The following NEBL variants were observed in gnomAD, a reference collection of about 807,000 sequenced individuals.
NEBL encodes the protein nebulette.
Under a neutral mutation model 140.2 loss-of-function variants are expected in NEBL, and 122 were observed. The ratio of observed to expected loss-of-function variants is 0.87; its 90% CI spans 0.75 to 1.01. The LOEUF is 1.01. Among genes scored for constraint, NEBL ranks in the 50% least tolerant of loss-of-function variants. NEBL has a pLI of 0.00. For synonymous variants in NEBL, 436 were observed against 398.9 expected (o/e 1.09, Z -1.11); for missense variants, 1,365 against 1,231.3 (o/e 1.11, Z -1.62).
intron 3 of NEBL, among the ~76,000 whole-genome samples, chr10:21,207,554 AC>A (rs1841847186): frequency 2.0e-5 from 3 of 151,736 alleles, no homozygotes; most frequent in Non-Finnish European, 4.4e-5. Flanking sequence ...TCTCCACCCT[AC>A]TTTGCCCTAG....
chr10:20,832,916 T>C (rs1286637270), intron 14 of NEBL, among the ~76,000 whole-genome samples: 4 of 152,230 alleles, frequency 2.6e-5, no homozygotes, highest in African/African-American at 9.6e-5. Flanking sequence ...TTACTATGTC[T>C]ACAAAAAGCA....
At chr10:21,069,496 A>T (rs1837537) in intron 2 of NEBL, among the ~76,000 whole-genome samples, 9 of 152,162 alleles carry the variant, frequency 5.9e-5, no homozygotes, top group Non-Finnish European at 1.3e-4. Flanking sequence ...TTGACACCAC[A>T]GCGCCCGCCA....
At chr10:20,852,497 T>C (rs1197108959) in intron 10 of NEBL, 48 bp downstream of exon 10, 1 of 1,328,734 alleles carries the variant, frequency 7.5e-7, no homozygotes, top group African/African-American at 1.5e-5. Flanking sequence ...TCAGGATGGT[T>C]ACGGGTTGCT....
chr10:20,983,495 C>T (rs960341584), intron 3 of NEBL, among the ~76,000 whole-genome samples: 2 of 152,214 alleles, frequency 1.3e-5, no homozygotes, highest in Non-Finnish European at 2.9e-5. Context: ...GGAAAAACCT[C>T]TCTTTCCGTA....
intron 10 of NEBL, among the ~76,000 whole-genome samples, chr10:20,852,155 T>A (rs1842606199): frequency 1.3e-5 from 2 of 152,272 alleles, no homozygotes; most frequent in East Asian, 1.9e-4. Flanking sequence ...ATAACACTTA[T>A]AATTGAAATA....
intron 3 of NEBL, among the ~76,000 whole-genome samples, chr10:20,984,955 G>T (rs1030639941): frequency 6.6e-6 from 1 of 152,144 alleles, no homozygotes; most frequent in African/African-American, 2.4e-5. Flanking sequence ...AATCTAGGTT[G>T]CTTGCCTCTT....
chr10:21,094,322 G>A (rs984099402), intron 2 of NEBL, among the ~76,000 whole-genome samples: 1 of 151,946 alleles, frequency 6.6e-6, no homozygotes, highest in African/African-American at 2.4e-5. Context: ...CTAATACGGT[G>A]AAACCCCGTC....
chr10:21,055,422 C>G (rs1170588726), intron 2 of NEBL, among the ~76,000 whole-genome samples: 1 of 152,162 alleles, frequency 6.6e-6, no homozygotes, highest in Admixed American at 6.5e-5. Flanking sequence ...AGCCACAGAT[C>G]TTTTAACTTT....
intron 3 of NEBL, among the ~76,000 whole-genome samples, chr10:21,221,476 C>G (rs1042484743): frequency 6.6e-6 from 1 of 151,766 alleles, no homozygotes; most frequent in African/African-American, 2.4e-5. Context: ...CCTACCTATT[C>G]TACAAGAAAA....
intron 9 of NEBL, among the ~76,000 whole-genome samples, chr10:20,854,210 G>A (rs372934691): frequency 5.1e-4 from 77 of 152,194 alleles, no homozygotes; most frequent in African/African-American, 1.6e-3. Flanking sequence ...AGACAATGGG[G>A]TACCAGTAAA....
intron 4 of NEBL, among the ~76,000 whole-genome samples, chr10:20,932,394 G>A (rs1834235967): frequency 6.6e-6 from 1 of 151,908 alleles, no homozygotes. Context: ...ACAAAGAGGG[G>A]AGCATCACAC....
At chr10:21,275,525 T>C (rs1432856321) in intron 1 of NEBL, among the ~76,000 whole-genome samples, 6 of 152,174 alleles carry the variant, frequency 3.9e-5, no homozygotes, top group African/African-American at 1.4e-4. Context: ...GTTTTTCGTG[T>C]CCTCACTCCT....
chr10:21,214,695 T>G (rs1841966937), intron 3 of NEBL, among the ~76,000 whole-genome samples: 2 of 152,188 alleles, frequency 1.3e-5, no homozygotes, highest in South Asian at 4.1e-4. Context: ...TTCAGGTGCT[T>G]CTTTTTTAAC....
At chr10:21,021,429 G>T (rs957659224) in intron 2 of NEBL, among the ~76,000 whole-genome samples, 1 of 152,144 alleles carries the variant, frequency 6.6e-6, no homozygotes, top group East Asian at 1.9e-4. Flanking sequence ...CCATGGCCAG[G>T]CCTCTGCAGA....
intron 11 of NEBL, among the ~76,000 whole-genome samples, 165 bp downstream of exon 11, chr10:20,850,230 C>T (rs1292437232): frequency 3.3e-5 from 5 of 152,168 alleles, no homozygotes; most frequent in Non-Finnish European, 7.3e-5. Flanking sequence ...AACTCAATGA[C>T]CTAGACAAGA....
intron 3 of NEBL, among the ~76,000 whole-genome samples, chr10:21,201,864 C>T (rs111630364): frequency 0.025 from 3,791 of 152,192 alleles, 70 homozygotes; most frequent in Non-Finnish European, 0.026. Context: ...CGTAATGTCA[C>T]GCACAATTTT....
At chr10:21,267,228 G>A (rs181789885) in intron 1 of NEBL, among the ~76,000 whole-genome samples, 13 of 152,136 alleles carry the variant, frequency 8.5e-5, no homozygotes, top group Admixed American at 1.3e-4. Flanking sequence ...CGCCCACCTC[G>A]GCCTCCCAAA....
chr10:21,194,293 T>C (rs1445526489), intron 3 of NEBL, among the ~76,000 whole-genome samples: 4 of 152,168 alleles, frequency 2.6e-5, no homozygotes, highest in Non-Finnish European at 5.9e-5. Flanking sequence ...TTAAAATATT[T>C]AGATTCTACA....
At chr10:20,952,670 C>T (rs1466178948) in intron 4 of NEBL, among the ~76,000 whole-genome samples, 4 of 151,522 alleles carry the variant, frequency 2.6e-5, no homozygotes, top group East Asian at 1.9e-4. Context: ...TTTGGGAAGA[C>T]GAGGTGGGCG....
Sources: gnomAD v4.1 joint callset for allele counts (sites outside exome capture counted in the v4.1 genomes callset) on GRCh38, gnomAD v4.1.1 for gene constraint, MANE v1.5 for transcripts, NCBI Gene and HGNC (gene_info 2026-07-23, HGNC 2026-07-21) for gene names.